Variants in FGF14 observed in about 807,000 individuals in gnomAD.
FGF14 encodes fibroblast growth factor 14.
A neutral mutation model predicts 25.5 loss-of-function variants in FGF14; 5 were observed. The observed-to-expected ratio is 0.20, with a 90% confidence interval of 0.10 to 0.41. FGF14 has a LOEUF of 0.41. FGF14 is among the 10% of genes least tolerant of loss of function. FGF14 has a pLI of 1.00. For missense variants in FGF14, 222 were observed against 320.1 expected, an observed-to-expected ratio of 0.69 and a Z score of 2.34; for synonymous variants, 138 against 118.3, an observed-to-expected ratio of 1.17 and a Z score of -1.08.
At chr13:102,292,969 T>C (rs1157839436) in intron 1 of FGF14, 1 of 152,276 alleles carries the variant, frequency 6.6e-6, no homozygotes, top group Admixed American at 6.5e-5. Flanking sequence ...AGATCACATC[T>C]GCGCAACTCC....
intron 1 of FGF14, among the ~76,000 whole-genome samples, chr13:102,188,047 T>C (rs1352888041): frequency 2.0e-5 from 3 of 152,332 alleles, no homozygotes; most frequent in African/African-American, 7.2e-5. Flanking sequence ...GCTTATTTTC[T>C]GGAAAATACT....
intron 1 of FGF14, among the ~76,000 whole-genome samples, chr13:102,305,722 A>G (rs1275387864): frequency 6.6e-6 from 1 of 152,180 alleles, no homozygotes; most frequent in Non-Finnish European, 1.5e-5. Context: ...GTGATATTAC[A>G]GAGAGTGAAC....
At chr13:102,151,036 A>T (rs1483144799) in intron 1 of FGF14, among the ~76,000 whole-genome samples, 2 of 152,190 alleles carry the variant, frequency 1.3e-5, no homozygotes, top group African/African-American at 2.4e-5. Flanking sequence ...TTTTTAAAGC[A>T]CTTTTGCATT....
At chr13:102,162,340 C>A (rs1319920898) in intron 1 of FGF14, among the ~76,000 whole-genome samples, 2 of 152,122 alleles carry the variant, frequency 1.3e-5, no homozygotes, top group Admixed American at 6.5e-5. Context: ...TTTAGAAAAA[C>A]AGATTTTTGG....
chr13:102,213,523 T>G (rs546162903), intron 1 of FGF14, among the ~76,000 whole-genome samples: 6 of 152,276 alleles, frequency 3.9e-5, no homozygotes, highest in African/African-American at 1.4e-4. Flanking sequence ...TAAGAATCTG[T>G]TGGAGCAGCT....
intron 1 of FGF14, among the ~76,000 whole-genome samples, chr13:102,296,118 G>GC (rs1555396096): frequency 6.6e-6 from 1 of 151,950 alleles, no homozygotes; most frequent in African/African-American, 2.4e-5. Context: ...ACAATTAAAA[G>GC]TTTTGCATCC....
chr13:101,797,768 T>C (rs867283701), intron 3 of FGF14, among the ~76,000 whole-genome samples: 17 of 144,466 alleles, frequency 1.2e-4, no homozygotes, highest in Non-Finnish European at 1.8e-4. Flanking sequence ...TGTGTGTGTG[T>C]GTGTGTGTGT....
rs1426253084 is a variant in FGF14, at chr13:102,361,432, T to TA, written c.208+40038dup. 4.6e-5 allele frequency among the ~76,000 whole-genome samples: 7 copies of TA among 152,182 alleles called. No homozygotes were observed. The East Asian group carries it at 1.3e-3, about 29-fold the overall frequency. On this transcript the variant is annotated intron_variant, in intron 1 of 4. Transcript: ENST00000376131. ...CCAAAATGTCTTAGGAAATGGTGCT[T>TA]AAGATGTAGACTGGCCATGGGGATT... is the stretch of plus-strand genomic sequence containing the variant.
At chr13:101,904,629 C>A (rs1359372438) in intron 1 of FGF14, among the ~76,000 whole-genome samples, 4 of 152,182 alleles carry the variant, frequency 2.6e-5, no homozygotes, top group Non-Finnish European at 1.5e-5. Flanking sequence ...GCAAAACTCA[C>A]AAAGACACAA....
At chr13:102,049,937 C>T (rs1454785915) in intron 1 of FGF14, among the ~76,000 whole-genome samples, 1 of 152,188 alleles carries the variant, frequency 6.6e-6, no homozygotes, top group Non-Finnish European at 1.5e-5. Flanking sequence ...AGATCTCAGA[C>T]TTATAACCTC....
chr13:102,277,232 C>G (rs1185002539), intron 1 of FGF14, among the ~76,000 whole-genome samples: 2 of 152,196 alleles, frequency 1.3e-5, no homozygotes, highest in African/African-American at 4.8e-5. Flanking sequence ...CTTTATATTC[C>G]TATTTAAAAC....
chr13:102,279,381 G>C (rs1323309474), intron 1 of FGF14, among the ~76,000 whole-genome samples: 3 of 152,004 alleles, frequency 2.0e-5, no homozygotes, highest in Non-Finnish European at 4.4e-5. Flanking sequence ...TCTACCTTTT[G>C]GCTATTAAAC....
At chr13:102,362,762 A>T (rs1459130843) in intron 1 of FGF14, among the ~76,000 whole-genome samples, 2 of 152,210 alleles carry the variant, frequency 1.3e-5, no homozygotes, top group Non-Finnish European at 1.5e-5. Context: ...GAAGAAAGAA[A>T]AGAATTTTAT....
At chr13:102,272,529 AG>A (rs1197126087) in intron 1 of FGF14, among the ~76,000 whole-genome samples, 3 of 152,216 alleles carry the variant, frequency 2.0e-5, no homozygotes, top group Non-Finnish European at 1.5e-5. Flanking sequence ...TGGTGATGGC[AG>A]GAACGGTAGT....
intron 1 of FGF14, among the ~76,000 whole-genome samples, chr13:102,155,875 A>G (rs1351959664): frequency 6.6e-6 from 1 of 152,222 alleles, no homozygotes; most frequent in Non-Finnish European, 1.5e-5. Flanking sequence ...AGAATACTAT[A>G]AACACCTCTA....
intron 1 of FGF14, among the ~76,000 whole-genome samples, chr13:101,940,113 G>C (rs1447212489): frequency 6.6e-6 from 1 of 152,220 alleles, no homozygotes; most frequent in African/African-American, 2.4e-5. Flanking sequence ...GAATGATCTG[G>C]CTTCAAGTCC....
intron 1 of FGF14, among the ~76,000 whole-genome samples, chr13:102,106,523 C>G (rs769671682): frequency 7.7e-6 from 1 of 129,668 alleles, no homozygotes; most frequent in Non-Finnish European, 1.6e-5. Flanking sequence ...TGCAGTGAGC[C>G]AAGATCGCAC....
At chr13:101,778,140 A>T (rs2140011620) in intron 3 of FGF14, among the ~76,000 whole-genome samples, 1 of 152,252 alleles carries the variant, frequency 6.6e-6, no homozygotes, top group South Asian at 2.1e-4. Context: ...CCGGCTGCCA[A>T]ATTATTTACT....
At chr13:102,000,910 T>C (rs2039457748) in intron 1 of FGF14, among the ~76,000 whole-genome samples, 1 of 152,146 alleles carries the variant, frequency 6.6e-6, no homozygotes, top group African/African-American at 2.4e-5. Flanking sequence ...AGATGGAAAG[T>C]CATTTATTTA....
Sources: allele counts gnomAD v4.1 joint callset (sites outside exome capture counted in the v4.1 genomes callset), GRCh38; gene constraint gnomAD v4.1.1; transcripts MANE v1.5; gene names NCBI Gene and HGNC (gene_info 2026-07-23, HGNC 2026-07-21).